The following ALOX5 variants were observed in gnomAD, a reference collection of about 807,000 sequenced individuals.
ALOX5 encodes arachidonate 5-lipoxygenase.
Under a neutral mutation model 87.9 loss-of-function variants are expected in ALOX5, and 64 were observed. That is an observed-to-expected ratio of 0.73 (90% confidence interval 0.60 to 0.90). The LOEUF is 0.90. Ranked by LOEUF, ALOX5 falls within the 40% of genes least tolerant of loss-of-function variation. The probability of loss-of-function intolerance (pLI) is 0.00; values close to 1 mark genes in which losing one functional copy is unlikely to be tolerated. For missense variants in ALOX5, 822 were observed against 907.5 expected (o/e 0.91, Z 1.21); for synonymous variants, 388 against 355.1 (o/e 1.09, Z -1.04).
Position 45,374,389 on chromosome 10 carries a change from T to A in ALOX5, c.110T>A (p.Leu37Gln). The change falls in exon 1 of 14, where the codon CTG (leucine) becomes CAG (glutamine). Residue 37 changes from leucine (L) to glutamine (Q), a missense_variant. By Grantham distance (113) the Leu-to-Gln change is moderately radical. Coordinates refer to ENST00000374391, the MANE Select transcript of ALOX5 (RefSeq NM_000698.5). Reference protein sequence around the residue: ...VGSAGCSEKHLLDKPFYNDFE... With the variant: ...VGSAGCSEKHQLDKPFYNDFE... ...TCGGCGGGCTGCAGCGAGAAGCACCTGCTGGACAAGCCCTTCTACAACGAC... is the reference window on the plus strand; with the variant it reads ...TCGGCGGGCTGCAGCGAGAAGCACCAGCTGGACAAGCCCTTCTACAACGAC... 2.6e-6 allele frequency: 4 copies of A among 1,564,520 alleles called. No individual in the cohort carries two copies. The highest frequency in any genetic ancestry group is 3.5e-6 in the Non-Finnish European group (4 of 1,159,412).
intron 3 of ALOX5, among the ~76,000 whole-genome samples, chr10:45,403,138 A>C (rs1315957107): frequency 6.6e-6 from 1 of 152,242 alleles, no homozygotes; most frequent in Non-Finnish European, 1.5e-5. Flanking sequence ...CAGAAATCCT[A>C]TAGTGGGATC....
Position 45,374,245 on chromosome 10 carries a change from G to A in ALOX5, c.-35G>A. On this transcript the variant is annotated 5_prime_UTR_variant, in exon 1 of 14. Coordinates refer to ENST00000374391, the MANE Select transcript of ALOX5 (RefSeq NM_000698.5). ...GCGGACACCTGGACCGCCGCGCCGA[G>A]GCTCCCGGCGCTCGCTGCTCCCGCG... The A allele has an allele frequency of 6.9e-7, 1 of 1,449,946 alleles. No homozygotes were observed. Among genetic ancestry groups the A allele is most frequent in the South Asian group, 1.4e-5 (1 of 73,568 alleles). 89.8% of individuals were successfully genotyped at this position (1,449,946 alleles called of 1,614,324 possible).
intron 6 of ALOX5, among the ~76,000 whole-genome samples, chr10:45,427,009 A>C (rs1841728577): frequency 6.6e-6 from 1 of 152,208 alleles, no homozygotes; most frequent in Non-Finnish European, 1.5e-5. Context: ...AATGGAATAC[A>C]CTGACCTAGA....
intron 4 of ALOX5, among the ~76,000 whole-genome samples, chr10:45,420,743 TC>T (rs1317721301): frequency 1.3e-5 from 2 of 152,232 alleles, no homozygotes; most frequent in African/African-American, 4.8e-5. Context: ...CAGGCTTTGC[TC>T]CTGCCCTGCA....
At chr10:45,388,218 G>A (rs1406743144) in intron 2 of ALOX5, among the ~76,000 whole-genome samples, 6 of 152,244 alleles carry the variant, frequency 3.9e-5, no homozygotes, top group Non-Finnish European at 8.8e-5. Context: ...GGAGCCCATC[G>A]CAGCTCAGGA....
At chr10:45,436,817 G>A (rs894926833) in intron 7 of ALOX5, among the ~76,000 whole-genome samples, 6 of 152,006 alleles carry the variant, frequency 3.9e-5, no homozygotes, top group Non-Finnish European at 8.8e-5. Context: ...TAGGAATTGT[G>A]TTGTATCTGT....
chr10:45,402,732 GGA>G (rs1840747182), intron 3 of ALOX5, among the ~76,000 whole-genome samples: 1 of 152,200 alleles, frequency 6.6e-6, no homozygotes, highest in Admixed American at 6.5e-5. Flanking sequence ...AAAGACACCA[GGA>G]GAGAGTGAAG....
At chr10:45,383,107 C>A (rs1030074340) in intron 2 of ALOX5, among the ~76,000 whole-genome samples, 3 of 152,222 alleles carry the variant, frequency 2.0e-5, no homozygotes, top group Non-Finnish European at 4.4e-5. Flanking sequence ...GCTCAGGGTG[C>A]CCCATGTGGG....
rs1252207656 is a variant in ALOX5 at position 45,383,941 on chromosome 10, A to G, written c.349+1260A>G. Reference sequence around the variant, plus strand: ...CTGGCTCTGAAACTCCCTCCTGCACATCTACCCAAGGTCTCGGTTATGAAG... The same window carrying G: ...CTGGCTCTGAAACTCCCTCCTGCACGTCTACCCAAGGTCTCGGTTATGAAG... On this transcript the variant is annotated intron_variant, in intron 2 of 13. Transcript: ENST00000374391. Among the ~76,000 whole-genome samples, 3 of 152,110 alleles carry G rather than the reference A, an allele frequency of 2.0e-5. No homozygotes were observed. In the East Asian group the frequency reaches 5.8e-4, roughly 29 times the overall value.
chr10:45,443,623 C>T lies in ALOX5; in HGVS notation c.1573+86C>T, dbSNP rs1230897591. ...CGCCACCCCTCCGGGGTGTCCTGCC[C>T]AGGGTGCCCTCCGGCCTTGGGGCAG... On this transcript the variant is annotated intron_variant, in intron 11 of 13. Coordinates refer to ENST00000374391, the MANE Select transcript of ALOX5 (RefSeq NM_000698.5). 7 of 1,596,590 alleles carry T rather than the reference C, an allele frequency of 4.4e-6. No individual in the cohort carries two copies. In the African/African-American group the frequency reaches 8.1e-5, roughly 18 times the overall value.
At chr10:45,419,045 C>T (rs1343864503) in intron 4 of ALOX5, among the ~76,000 whole-genome samples, 1 of 152,192 alleles carries the variant, frequency 6.6e-6, no homozygotes, top group Admixed American at 6.5e-5. Context: ...CCGCCCTCTC[C>T]CCAGGACCAC....
intron 4 of ALOX5, among the ~76,000 whole-genome samples, chr10:45,414,712 A>T (rs1841206574): frequency 6.6e-6 from 1 of 152,240 alleles, no homozygotes; most frequent in African/African-American, 2.4e-5. Flanking sequence ...TGATATCCAG[A>T]ATCTACAAAC....
intron 4 of ALOX5, among the ~76,000 whole-genome samples, chr10:45,418,368 C>G (rs771696033): frequency 6.6e-6 from 1 of 152,158 alleles, no homozygotes; most frequent in Non-Finnish European, 1.5e-5. Context: ...AGACCCGGCC[C>G]CAGCTCCTCC....
At chr10:45,398,860 G>C (rs1010648981) in intron 3 of ALOX5, among the ~76,000 whole-genome samples, 1 of 152,188 alleles carries the variant, frequency 6.6e-6, no homozygotes, top group Non-Finnish European at 1.5e-5. Context: ...TACACTGCTG[G>C]TGGGAATGTA....
chr10:45,424,213 T>G (rs539156401), intron 5 of ALOX5, 66 bp downstream of exon 5: 1 of 1,396,536 alleles, frequency 7.2e-7, no homozygotes, highest in South Asian at 1.2e-5. Flanking sequence ...TGTCTGATAC[T>G]TGCCGGGAAA....
Position 45,428,655 on chromosome 10 carries a change from A to G in ALOX5, c.872A>G (p.Asp291Gly). Residue 291 changes from aspartate (D) to glycine (G), a missense_variant, in exon 7 of 14, where the codon GAT becomes GGT. Coordinates refer to ENST00000374391, the MANE Select transcript of ALOX5 (RefSeq NM_000698.5). ...TTCATCGTGGACTTTGAGCTGCTGG[A>G]TGGCATCGATGCCAACAAAACAGAC... ...NIFIVDFELLDGIDANKTDPC... is the reference protein window; with the variant it reads ...NIFIVDFELLGGIDANKTDPC... The G allele has an allele frequency of 6.2e-7, 1 of 1,614,082 alleles. No individual in the cohort carries two copies. Among genetic ancestry groups the G allele is most frequent in the South Asian group, 1.1e-5 (1 of 91,078 alleles).
At position 45,408,839 on chromosome 10, in the gene ALOX5, G is replaced by A. The variant is rs1840967569; in HGVS notation, c.432-3352G>A. Reference sequence around the variant, plus strand: ...TTCCATTTCTTTGTAGTTTCACCCTGTATTTGGGTTACATGTTCTTCTATT... The same window carrying A: ...TTCCATTTCTTTGTAGTTTCACCCTATATTTGGGTTACATGTTCTTCTATT... On this transcript the variant is annotated intron_variant, in intron 3 of 13. Coordinates refer to ENST00000374391, the MANE Select transcript of ALOX5 (RefSeq NM_000698.5). Among the ~76,000 whole-genome samples, 4 of 152,164 alleles carry A rather than the reference G, an allele frequency of 2.6e-5. No homozygotes were observed. In the South Asian group the frequency reaches 8.3e-4, roughly 32 times the overall value.
intron 4 of ALOX5, among the ~76,000 whole-genome samples, 188 bp downstream of exon 4, chr10:45,412,501 A>T (rs553385434): frequency 7.9e-5 from 12 of 152,226 alleles, no homozygotes; most frequent in Non-Finnish European, 1.6e-4. Flanking sequence ...CCGGTATCTT[A>T]AAAAAGGCAT....
chr10:45,443,303 G>T (rs904628194), intron 10 of ALOX5, 87 bp downstream of exon 10: 2 of 1,580,240 alleles, frequency 1.3e-6, no homozygotes, highest in Middle Eastern at 1.7e-4. Flanking sequence ...TCCACCGCTA[G>T]CGCTGAATGG....
Sources: allele counts gnomAD v4.1 joint callset (sites outside exome capture counted in the v4.1 genomes callset), GRCh38; gene constraint gnomAD v4.1.1; transcripts MANE v1.5; gene names NCBI Gene and HGNC (gene_info 2026-07-23, HGNC 2026-07-21).